Variants in NTM observed in about 807,000 individuals in gnomAD.
NTM encodes neurotrimin, also known as IgLON family member 2.
A neutral mutation model predicts 42.1 loss-of-function variants in NTM; 13 were observed. That is an observed-to-expected ratio of 0.31 (90% confidence interval 0.20 to 0.49). The LOEUF (loss-of-function observed/expected upper bound fraction) is 0.49, where lower values mean the gene tolerates loss of function less well. Ranked by LOEUF, NTM falls within the 20% of genes least tolerant of loss-of-function variation. The pLI, the probability that NTM is intolerant of heterozygous loss-of-function variation, is 0.99. For missense variants in NTM, 373 were observed against 452.8 expected (o/e 0.82, Z 1.60); for synonymous variants, 187 against 179.2 (o/e 1.04, Z -0.35).
At chr11:131,433,769 G>A (rs1433827305) in intron 1 of NTM, among the ~76,000 whole-genome samples, 1 of 151,980 alleles carries the variant, frequency 6.6e-6, no homozygotes, top group Non-Finnish European at 1.5e-5. Context: ...CTATTTTGGA[G>A]TTTTCTTAGG....
chr11:131,996,791 A>G (rs2068121200), intron 2 of NTM, among the ~76,000 whole-genome samples: 1 of 152,138 alleles, frequency 6.6e-6, no homozygotes, highest in Non-Finnish European at 1.5e-5. Context: ...CCTCTGAGGC[A>G]CACCTGGCTC....
At chr11:132,315,076 T>TTTGA (rs1353321630) in intron 7 of NTM, 1 of 1,021,226 alleles carries the variant, frequency 9.8e-7, no homozygotes, top group African/African-American at 1.7e-5. Context: ...AAAAATGACA[T>TTTGA]TTGATTTTTT....
At chr11:131,737,996 C>T (rs1233000141) in intron 1 of NTM, among the ~76,000 whole-genome samples, 1 of 152,192 alleles carries the variant, frequency 6.6e-6, no homozygotes, top group Non-Finnish European at 1.5e-5. Context: ...TGTCTCCCAG[C>T]ACGGCTGTAA....
chr11:132,087,371 C>A (rs1161141567), intron 2 of NTM, among the ~76,000 whole-genome samples: 1 of 152,200 alleles, frequency 6.6e-6, no homozygotes, highest in African/African-American at 2.4e-5. Context: ...GCTTAATCAG[C>A]AAGAATTAGT....
At chr11:131,603,784 A>G (rs553609529) in intron 1 of NTM, among the ~76,000 whole-genome samples, 1 of 152,246 alleles carries the variant, frequency 6.6e-6, no homozygotes, top group Admixed American at 6.5e-5. Context: ...CTCATATACC[A>G]TGTGGTCTTA....
chr11:132,333,628 G>A (rs569902478), intron 8 of NTM, among the ~76,000 whole-genome samples: 1 of 152,124 alleles, frequency 6.6e-6, no homozygotes, highest in Non-Finnish European at 1.5e-5. Flanking sequence ...TCTCCTTAAT[G>A]CAGGGTAGAG....
chr11:132,237,679 G>A (rs2089305214), intron 4 of NTM, among the ~76,000 whole-genome samples: 1 of 152,148 alleles, frequency 6.6e-6, no homozygotes, highest in African/African-American at 2.4e-5. Context: ...CCCACAGGCA[G>A]AGGCCTCAAG....
intron 1 of NTM, among the ~76,000 whole-genome samples, chr11:131,781,956 A>G (rs753381449): frequency 4.6e-5 from 7 of 152,240 alleles, no homozygotes; most frequent in South Asian, 2.1e-4. Context: ...AAGAGGCATT[A>G]GCACAGGGTG....
chr11:131,870,550 C>T (rs1388462998), intron 1 of NTM, among the ~76,000 whole-genome samples: 1 of 152,066 alleles, frequency 6.6e-6, no homozygotes, highest in Non-Finnish European at 1.5e-5. Flanking sequence ...CCAGCGAGGG[C>T]CCTCCTCTTT....
intron 1 of NTM, among the ~76,000 whole-genome samples, chr11:131,584,809 G>C (rs1215235461): frequency 6.6e-6 from 1 of 152,160 alleles, no homozygotes; most frequent in Non-Finnish European, 1.5e-5. Flanking sequence ...GGCCGAGGGC[G>C]AGCTGGGATC....
chr11:131,713,572 C>T (rs1228382528), intron 1 of NTM, among the ~76,000 whole-genome samples: 1 of 152,158 alleles, frequency 6.6e-6, no homozygotes, highest in Non-Finnish European at 1.5e-5. Flanking sequence ...AGTATGTTTT[C>T]CTTTCCTGTT....
chr11:132,320,046 G>T (rs2095525101), intron 7 of NTM, among the ~76,000 whole-genome samples: 1 of 152,238 alleles, frequency 6.6e-6, no homozygotes, highest in Non-Finnish European at 1.5e-5. Flanking sequence ...CAGACCTGCA[G>T]ATGAGGGTCC....
At position 131,977,454 on chromosome 11, in the gene NTM, G is replaced by A. The variant is rs77447273; in HGVS notation, c.167+65806G>A. Among the ~76,000 whole-genome samples, 419 of 152,284 alleles carry A rather than the reference G, an allele frequency of 2.8e-3. 1 individual carries two copies. Among genetic ancestry groups the A allele is most frequent in the Admixed American group, 8.2e-3 (126 of 15,298 alleles). On this transcript the variant is annotated intron_variant, in intron 2 of 8. Coordinates refer to ENST00000683400, the MANE Select transcript of NTM (RefSeq NM_001352005.2). ...ACTGGGCTCCACCAATCACTCAGGC[G>A]CATACCTCTTCCTCAGCCCTAGGCA...
intron 1 of NTM, among the ~76,000 whole-genome samples, chr11:131,850,810 A>G (rs2045440911): frequency 6.6e-6 from 1 of 152,202 alleles, no homozygotes. Flanking sequence ...CATCTTTTTA[A>G]TTCAGGTGTG....
chr11:131,779,570 A>G (rs1370828093), intron 1 of NTM, among the ~76,000 whole-genome samples: 2 of 152,168 alleles, frequency 1.3e-5, no homozygotes, highest in Non-Finnish European at 2.9e-5. Context: ...AATTATATAA[A>G]CAAAATAGAT....
chr11:132,057,494 T>C (rs1204935895), intron 2 of NTM, among the ~76,000 whole-genome samples: 1 of 152,214 alleles, frequency 6.6e-6, no homozygotes, highest in East Asian at 1.9e-4. Context: ...TGAAAATAAA[T>C]ACTTGCAATT....
At chr11:131,517,702 T>C (rs2049074077) in intron 1 of NTM, among the ~76,000 whole-genome samples, 1 of 152,240 alleles carries the variant, frequency 6.6e-6, no homozygotes, top group African/African-American at 2.4e-5. Context: ...GTCCGCAGCA[T>C]GGTCTTTGAA....
intron 1 of NTM, among the ~76,000 whole-genome samples, chr11:131,548,538 C>T (rs1256043784): frequency 6.6e-6 from 1 of 152,054 alleles, no homozygotes. Context: ...AAATGTGATG[C>T]TGACAAGGCT....
intron 1 of NTM, among the ~76,000 whole-genome samples, chr11:131,446,147 C>CT (rs1950040158): frequency 6.6e-6 from 1 of 152,198 alleles, no homozygotes. Flanking sequence ...GAAGGGCTAT[C>CT]TTATAGATCA....
Sources: gnomAD v4.1 joint callset for allele counts (sites outside exome capture counted in the v4.1 genomes callset) on GRCh38, gnomAD v4.1.1 for gene constraint, MANE v1.5 for transcripts, NCBI Gene and HGNC (gene_info 2026-07-23, HGNC 2026-07-21) for gene names.